Variants in AGAP1 observed in about 807,000 individuals in gnomAD.
AGAP1 encodes the protein ArfGAP with GTPase domain, ankyrin repeat and PH domain 1, also known as arf-GAP with GTPase, ANK repeat and PH domain-containing protein 1.
A neutral mutation model predicts 105.3 loss-of-function variants in AGAP1; 29 were observed. The ratio of observed to expected loss-of-function variants is 0.28; its 90% CI spans 0.21 to 0.38. The LOEUF (loss-of-function observed/expected upper bound fraction) is 0.38. AGAP1 is among the 10% of genes least tolerant of loss of function. The probability of loss-of-function intolerance (pLI) is 1.00; values close to 1 mark genes in which losing one functional copy is unlikely to be tolerated. For synonymous variants in AGAP1, 509 were observed against 485.9 expected (o/e 1.05, Z -0.63); for missense variants, 998 against 1,165.1 (o/e 0.86, Z 2.09).
chr2:235,544,433 T>C (rs928883953), intron 1 of AGAP1, among the ~76,000 whole-genome samples: 1 of 152,232 alleles, frequency 6.6e-6, no homozygotes, highest in Admixed American at 6.5e-5. Context: ...AGGATACTCT[T>C]TGGGGCCTCA....
rs8178993 is a variant in AGAP1 at position 235,494,818 on chromosome 2, C to T, written c.132C>T (p.Asn44=). The change falls in exon 1 of 18, where the codon AAC becomes AAT. Residue 44 remains asparagine (N), a synonymous_variant. Transcript: ENST00000304032. ...LERVEEPVLQ[N]QIREHVIAIE... ...GCGTGGAGGAGCCGGTGCTGCAGAA[C>T]CAGATCCGGGAGCACGTCATCGCCA... 42,777 of 1,579,606 alleles carry T rather than the reference C, an allele frequency of 0.027. 749 individuals are homozygous for T. Among genetic ancestry groups the T allele is most frequent in the Non-Finnish European group, 0.033 (38,341 of 1,162,900 alleles).
intron 13 of AGAP1, among the ~76,000 whole-genome samples, chr2:235,972,780 A>G (rs889804736): frequency 6.6e-6 from 1 of 152,114 alleles, no homozygotes. Flanking sequence ...AGCACCTCCT[A>G]CAAGCCCCTG....
At chr2:236,102,553 A>G (rs2059381928) in intron 16 of AGAP1, among the ~76,000 whole-genome samples, 1 of 150,822 alleles carries the variant, frequency 6.6e-6, no homozygotes, top group African/African-American at 2.4e-5. Flanking sequence ...GCGTCATTGC[A>G]CTCCAGCCTG....
In AGAP1 at chr2:236,120,423, G is replaced by A. The variant is rs563880765; in HGVS notation, c.2346G>A (p.Val782=). The A allele has an allele frequency of 3.7e-6, 6 of 1,611,448 alleles. No homozygotes were observed. In the East Asian group the frequency reaches 8.9e-5, roughly 24 times the overall value. ...ATCTGGCCTGCCGCAAGGGGAATGT[G>A]GTCCTGGCGCAGCTCCTGATCTGGG... is the stretch of plus-strand genomic sequence containing the variant. ...ALHLACRKGN[V]VLAQLLIWYG... is the part of the protein sequence containing the mutation. The change falls in exon 17 of 18, where the codon GTG becomes GTA. Residue 782 remains valine, a synonymous_variant. Transcript: ENST00000304032. This position sits in a 1 kb window ranked among gnomAD's most constrained non-coding sequence, Gnocchi z 6.0.
intron 1 of AGAP1, among the ~76,000 whole-genome samples, chr2:235,573,086 T>G (rs867219915): frequency 2.0e-4 from 25 of 122,590 alleles, no homozygotes; most frequent in African/African-American, 1.1e-3. Context: ...TTCTTCTTTC[T>G]TCTTTCTTCT....
At position 235,741,785 on chromosome 2, in the gene AGAP1, GCT is replaced by G. The variant is rs1952604438; in HGVS notation, c.396+740_396+741del. 1.3e-5 allele frequency among the ~76,000 whole-genome samples: 2 copies of G among 148,346 alleles called. No homozygotes were observed. Among genetic ancestry groups the G allele is most frequent in the Admixed American group, 6.8e-5 (1 of 14,776 alleles). On this transcript the variant is annotated intron_variant, in intron 4 of 17. Transcript: ENST00000304032. This position sits in a 1 kb window ranked among gnomAD's most constrained non-coding sequence, Gnocchi z 4.9. Reference sequence around the variant, plus strand: ...TATTTTTTTTTTTTGAGACAGTCTCGCTCTGTTACCCAGGCTGGAGTGCAGTG... The same window carrying G: ...TATTTTTTTTTTTTGAGACAGTCTCGCTGTTACCCAGGCTGGAGTGCAGTG...
Position 236,082,711 on chromosome 2 carries a change from T to C in AGAP1, c.2114+33430T>C, listed in dbSNP as rs906494344. Among the ~76,000 whole-genome samples, 11 of 152,026 alleles carry C rather than the reference T, an allele frequency of 7.2e-5. No individual in the cohort carries two copies. Reference sequence around the variant, plus strand: ...CAACATGGCGAAACCCTGTCTCTACTAAAAATACAAAAATTAGCCTGGCGC... The same window carrying C: ...CAACATGGCGAAACCCTGTCTCTACCAAAAATACAAAAATTAGCCTGGCGC... On this transcript the variant is annotated intron_variant, in intron 16 of 17. Coordinates refer to ENST00000304032, the MANE Select transcript of AGAP1 (RefSeq NM_001037131.3). This position sits in a 1 kb window ranked among gnomAD's most constrained non-coding sequence, Gnocchi z 4.2.
chr2:235,779,580 G>A (rs1428494667), intron 6 of AGAP1, among the ~76,000 whole-genome samples: 11 of 152,128 alleles, frequency 7.2e-5, no homozygotes, highest in African/African-American at 2.4e-5. Context: ...AGCCCAAGCT[G>A]CTCCTTGGAA....
At position 235,792,693 on chromosome 2, in the gene AGAP1, G is replaced by A. The variant is rs898463776; in HGVS notation, c.674-5066G>A. ...CTGTCCATGGTGAAGAGCGGGTTGT[G>A]CCATCGACTGAGCTAGAAAACAGAC... On this transcript the variant is annotated intron_variant, in intron 6 of 17. Transcript: ENST00000304032. The surrounding 1 kb of genome is among the most constrained non-coding windows in gnomAD (Gnocchi z 5.3). 6.6e-6 allele frequency among the ~76,000 whole-genome samples: 1 copy of A among 152,196 alleles called. No individual in the cohort carries two copies. The highest frequency in any genetic ancestry group is 2.4e-5 in the African/African-American group (1 of 41,448).
chr2:235,910,284 T>TGA (rs1559636387), intron 11 of AGAP1, among the ~76,000 whole-genome samples: 1 of 152,290 alleles, frequency 6.6e-6, no homozygotes, highest in Non-Finnish European at 1.5e-5. Context: ...CCTGCCTGTG[T>TGA]TGCAGGGGGG....
Position 235,961,922 on chromosome 2 carries a change from G to T in AGAP1, c.1484-6540G>T, listed in dbSNP as rs1463040838. Among the ~76,000 whole-genome samples the T allele has an allele frequency of 6.6e-6, 1 of 152,220 alleles. No homozygotes were observed. The highest frequency in any genetic ancestry group is 2.4e-5 in the African/African-American group (1 of 41,460). The stretch of plus-strand genomic sequence containing the variant: ...TCATGTTTAGTGCCGGGTGCTGGGT[G>T]AGCGAGGGTGGGTGAGCATCCATTT... On this transcript the variant is annotated intron_variant, in intron 12 of 17. Transcript: ENST00000304032. This position sits in a 1 kb window ranked among gnomAD's most constrained non-coding sequence, Gnocchi z 5.9.
intron 11 of AGAP1, among the ~76,000 whole-genome samples, chr2:235,929,703 A>C (rs555257618): frequency 1.3e-5 from 2 of 151,946 alleles, no homozygotes; most frequent in South Asian, 4.1e-4. Context: ...ATATCACCGG[A>C]GTGCTTTTGA....
rs979667720 is a variant in AGAP1, at chr2:236,036,161, G to A, written c.1646-400G>A. 1.3e-5 allele frequency among the ~76,000 whole-genome samples: 2 copies of A among 152,164 alleles called. No individual in the cohort carries two copies. Among genetic ancestry groups the A allele is most frequent in the Non-Finnish European group, 2.9e-5 (2 of 68,036 alleles). The stretch of plus-strand genomic sequence containing the variant: ...GGAGTGTCTGTGGATCTACGCGAGT[G>A]CTTAGATAGAAATTAACCCTGCAGC... On this transcript the variant is annotated intron_variant, in intron 13 of 17. Transcript: ENST00000304032. The surrounding 1 kb of genome is among the most constrained non-coding windows in gnomAD (Gnocchi z 5.7).
At chr2:235,985,739 T>C (rs2055286192) in intron 13 of AGAP1, among the ~76,000 whole-genome samples, 1 of 152,222 alleles carries the variant, frequency 6.6e-6, no homozygotes, top group African/African-American at 2.4e-5. Context: ...CCTTTCCCCA[T>C]TGCTTGTTTT....
chr2:236,022,691 C>T (rs1012671027), intron 13 of AGAP1, among the ~76,000 whole-genome samples: 2 of 152,158 alleles, frequency 1.3e-5, no homozygotes, highest in East Asian at 1.9e-4. Context: ...CCCGCCACCA[C>T]GCCCAACTGC....
Position 235,863,562 on chromosome 2 carries a change from C to T in AGAP1, c.1051-19783C>T, listed in dbSNP as rs142179145. Among the ~76,000 whole-genome samples, 717 of 152,242 alleles carry T rather than the reference C, an allele frequency of 4.7e-3. 8 individuals carry two copies. The highest frequency in any genetic ancestry group is 0.017 in the African/African-American group (687 of 41,544). ...GTACAGGTACAGCCTCCTCTTTGAGCTAGGGATGATTTCAGCTGACCAGGG... is the reference window on the plus strand; with the variant it reads ...GTACAGGTACAGCCTCCTCTTTGAGTTAGGGATGATTTCAGCTGACCAGGG... On this transcript the variant is annotated intron_variant, in intron 9 of 17. Coordinates refer to ENST00000304032, the MANE Select transcript of AGAP1 (RefSeq NM_001037131.3).
At chr2:235,998,664 T>TCCA (rs1462609827) in intron 13 of AGAP1, among the ~76,000 whole-genome samples, 1 of 151,696 alleles carries the variant, frequency 6.6e-6, no homozygotes, top group Non-Finnish European at 1.5e-5. Context: ...GAGGTGGTGG[T>TCCA]GGTGGTGGTG....
rs1032685392 is a variant in AGAP1, at chr2:236,055,129, C to G, written c.2114+5848C>G. On this transcript the variant is annotated intron_variant, in intron 16 of 17. Transcript: ENST00000304032. The surrounding 1 kb of genome is among the most constrained non-coding windows in gnomAD (Gnocchi z 6.2). ...CTTCTTTCAATTAAGTTCTCTGGGGCTTAATGGTATGAATAAACTCCTCTG... is the reference window on the plus strand; with the variant it reads ...CTTCTTTCAATTAAGTTCTCTGGGGGTTAATGGTATGAATAAACTCCTCTG... Among the ~76,000 whole-genome samples, 1 of 152,188 alleles carries G rather than the reference C, an allele frequency of 6.6e-6. No individual in the cohort carries two copies. The highest frequency in any genetic ancestry group is 1.5e-5 in the Non-Finnish European group (1 of 68,038).
chr2:235,670,713 C>T, intron 1 of AGAP1: 1 of 789,094 alleles, frequency 1.3e-6, no homozygotes, highest in Non-Finnish European at 2.1e-6. Flanking sequence ...CAGCCCGCCT[C>T]GGAGAAGCGC....
Sources: allele counts gnomAD v4.1 joint callset (sites outside exome capture counted in the v4.1 genomes callset), GRCh38; gene constraint gnomAD v4.1.1; non-coding constraint Gnocchi (gnomAD v3.1); transcripts MANE v1.5; gene names NCBI Gene and HGNC (gene_info 2026-07-23, HGNC 2026-07-21).